Variants in CD200 observed in about 807,000 individuals in gnomAD.
CD200 encodes CD200 molecule.
Under a neutral mutation model 30.9 loss-of-function variants are expected in CD200, and 15 were observed. The ratio of observed to expected loss-of-function variants is 0.49; its 90% confidence interval spans 0.32 to 0.75. CD200 has a LOEUF of 0.75. CD200 is among the 30% of genes least tolerant of loss of function. CD200 has a pLI of 0.03. For synonymous variants in CD200, 134 were observed against 126.2 expected (o/e 1.06, Z -0.41); for missense variants, 262 against 324.2 (o/e 0.81, Z 1.47).
intron 3 of CD200, 41 bp from the exon 4 acceptor site, chr3:112,347,517 G>T: frequency 6.3e-7 from 1 of 1,597,640 alleles, no homozygotes; most frequent in South Asian, 1.1e-5. Flanking sequence ...CTCAGACCAG[G>T]TGCTTAACTG....
At chr3:112,337,641 G>A (rs1446865440) in intron 1 of CD200, among the ~76,000 whole-genome samples, 3 of 152,200 alleles carry the variant, frequency 2.0e-5, no homozygotes, top group African/African-American at 4.8e-5. Flanking sequence ...AAGCTGGATA[G>A]TAAACTTAAC....
intron 4 of CD200, among the ~76,000 whole-genome samples, chr3:112,349,407 T>C (rs111503695): frequency 2.2e-3 from 334 of 152,330 alleles, no homozygotes; most frequent in African/African-American, 7.0e-3. Flanking sequence ...CATTTGTTAT[T>C]CTGATTTTGA....
rs1453550087 is a variant in CD200 at position 112,333,191 on chromosome 3, G to A, written c.-22G>A. On this transcript the variant is annotated 5_prime_UTR_variant, in exon 1 of 6. Transcript: ENST00000315711. The stretch of plus-strand genomic sequence containing the variant: ...GCGCACATCCGCAGTCAGCCACCTC[G>A]CGCGCGCCTCCAGGAGCAAGGATGG... 1.1e-5 allele frequency: 17 copies of A among 1,549,558 alleles called. No individual in the cohort carries two copies. Among genetic ancestry groups the A allele is most frequent in the Non-Finnish European group, 8.7e-6 (10 of 1,146,562 alleles).
chr3:112,360,002 A>C (rs1008011577), intron 5 of CD200, among the ~76,000 whole-genome samples: 5 of 152,180 alleles, frequency 3.3e-5, no homozygotes, highest in African/African-American at 1.2e-4. Flanking sequence ...TAGCAAATTA[A>C]TTGCAAATGT....
intron 1 of CD200, 44 bp downstream of exon 1, chr3:112,333,268 A>G: frequency 6.5e-7 from 1 of 1,540,252 alleles, no homozygotes. Flanking sequence ...AGGGCAGGCG[A>G]TGTTGAGCCG....
At chr3:112,361,214 AT>A (rs1327755705) in intron 5 of CD200, among the ~76,000 whole-genome samples, 1 of 146,698 alleles carries the variant, frequency 6.8e-6, no homozygotes, top group Non-Finnish European at 1.5e-5. Context: ...TTTTTTTTTT[AT>A]TTTTATTTTT....
At chr3:112,346,216 C>T (rs549399053) in intron 3 of CD200, among the ~76,000 whole-genome samples, 2 of 152,214 alleles carry the variant, frequency 1.3e-5, no homozygotes, top group South Asian at 4.1e-4. Flanking sequence ...TTCATTCTCT[C>T]TTTTTCTGTT....
chr3:112,342,754 A>G (rs907332036), intron 2 of CD200, among the ~76,000 whole-genome samples: 43 of 152,218 alleles, frequency 2.8e-4, no homozygotes, highest in African/African-American at 9.6e-4. Context: ...TTTTTAACAT[A>G]TTATGTTCTC....
intron 1 of CD200, chr3:112,334,054 GTCTT>G (rs1320034783): frequency 4.1e-6 from 4 of 985,352 alleles, no homozygotes; most frequent in Non-Finnish European, 4.8e-6. Flanking sequence ...TGATTTCACT[GTCTT>G]TCTTAACAAA....
intron 5 of CD200, among the ~76,000 whole-genome samples, chr3:112,358,895 G>T (rs1340927627): frequency 6.6e-6 from 1 of 151,896 alleles, no homozygotes; most frequent in Non-Finnish European, 1.5e-5. Context: ...AGAAACAAAA[G>T]AGAGAAAGAA....
chr3:112,336,751 C>A (rs897237312), intron 1 of CD200, among the ~76,000 whole-genome samples: 1 of 151,964 alleles, frequency 6.6e-6, no homozygotes, highest in South Asian at 2.1e-4. Flanking sequence ...CAGGACATCC[C>A]GCTAAAGCAA....
At position 112,344,860 on chromosome 3, in the gene CD200, CTT is replaced by C. The variant is rs918308203; in HGVS notation, c.95-99_95-98del. ...GTTTTCTTTTTTGCATTTTCTCTTTCTTTTCTATATTTGACATTGAATATACA... is the reference window on the plus strand; with the variant it reads ...GTTTTCTTTTTTGCATTTTCTCTTTCTTCTATATTTGACATTGAATATACA... On this transcript the variant is annotated intron_variant, in intron 2 of 5. Coordinates refer to ENST00000315711, the MANE Select transcript of CD200 (RefSeq NM_005944.7). The C allele has an allele frequency of 6.5e-6, 6 of 919,332 alleles. No homozygotes were observed. The Admixed American group carries it at 1.5e-4, about 23-fold the overall frequency. 56.9% of individuals were successfully genotyped at this position (919,332 alleles called of 1,614,324 possible).
intron 5 of CD200, among the ~76,000 whole-genome samples, chr3:112,351,159 A>G (rs2081523887): frequency 6.6e-6 from 1 of 152,132 alleles, no homozygotes; most frequent in Non-Finnish European, 1.5e-5. Flanking sequence ...TTCCTTCCAT[A>G]AGTTTATACA....
At chr3:112,332,583 A>G, upstream of CD200, 1 of 185,196 alleles carries the variant, frequency 5.4e-6, no homozygotes. Flanking sequence ...ACAGAGCGAG[A>G]CTCCGTCTCA....
At chr3:112,345,385 C>A in intron 3 of CD200, 97 bp downstream of exon 3, 2 of 952,012 alleles carry the variant, frequency 2.1e-6, no homozygotes, top group Non-Finnish European at 3.3e-6. Context: ...GGATTTTAAC[C>A]ACAGAAAGGG....
intron 5 of CD200, among the ~76,000 whole-genome samples, chr3:112,351,201 G>A (rs922795435): frequency 1.8e-4 from 27 of 152,186 alleles, no homozygotes; most frequent in African/African-American, 5.8e-4. Flanking sequence ...ACTAAACCCC[G>A]GTGCCCTGAC....
At chr3:112,358,218 G>A (rs530936644) in intron 5 of CD200, among the ~76,000 whole-genome samples, 21 of 152,302 alleles carry the variant, frequency 1.4e-4, no homozygotes, top group African/African-American at 4.8e-4. Context: ...GCAGACTTGG[G>A]GAGGATGTGC....
intron 2 of CD200, among the ~76,000 whole-genome samples, chr3:112,342,449 A>G (rs1433548884): frequency 7.4e-6 from 1 of 135,856 alleles, no homozygotes; most frequent in Admixed American, 7.9e-5. Flanking sequence ...TTTCTATGAA[A>G]TTTCACTCTG....
At chr3:112,342,594 T>C (rs1473022166) in intron 2 of CD200, among the ~76,000 whole-genome samples, 2 of 151,832 alleles carry the variant, frequency 1.3e-5, no homozygotes, top group Non-Finnish European at 2.9e-5. Context: ...GGCTAATTTT[T>C]GTATTTTTAG....
Sources: gnomAD v4.1 joint callset for allele counts (sites outside exome capture counted in the v4.1 genomes callset) on GRCh38, gnomAD v4.1.1 for gene constraint, MANE v1.5 for transcripts, NCBI Gene and HGNC (gene_info 2026-07-23, HGNC 2026-07-21) for gene names.